The following CWF19L2 variants were observed in gnomAD, a reference collection of about 807,000 sequenced individuals.
The protein encoded by CWF19L2 is CWF19-like protein 2.
A neutral mutation model predicts 111.7 loss-of-function variants in CWF19L2; 98 were observed. The observed-to-expected ratio is 0.88, with a 90% CI of 0.75 to 1.04. CWF19L2 has a LOEUF of 1.04. Among genes scored for constraint, CWF19L2 ranks in the 50% least tolerant of loss-of-function variants. The pLI is 0.00. For synonymous variants in CWF19L2, 351 were observed against 342.9 expected (o/e 1.02, Z -0.26); for missense variants, 1,101 against 1,051.4 (o/e 1.05, Z -0.65).
At chr11:107,376,089 C>A (rs1458213777) in intron 12 of CWF19L2, among the ~76,000 whole-genome samples, 3 of 127,122 alleles carry the variant, frequency 2.4e-5, no homozygotes, top group Non-Finnish European at 4.9e-5. Flanking sequence ...CTGAATAGAC[C>A]AATAACAGGA....
Position 107,454,588 on chromosome 11 carries a change from A to G in CWF19L2, c.217-16T>C. 1 of 1,323,704 alleles carries G rather than the reference A, an allele frequency of 7.6e-7. No individual in the cohort carries two copies. The highest frequency in any genetic ancestry group is 9.7e-7 in the Non-Finnish European group (1 of 1,033,018). The allele number at this position is 1,323,704 out of a possible 1,614,324, so 82.0% of individuals were successfully genotyped here. On this transcript the variant is annotated splice_polypyrimidine_tract_variant and intron_variant, in intron 2 of 17. Transcript: ENST00000282251. Reference sequence around the variant, plus strand: ...CAGAGTGTTCCTACAATCATTTTGAACAGGCAAGAAAATAATTTAATTTCA... The same window carrying G: ...CAGAGTGTTCCTACAATCATTTTGAGCAGGCAAGAAAATAATTTAATTTCA...
intron 10 of CWF19L2, among the ~76,000 whole-genome samples, chr11:107,398,850 A>G (rs950098196): frequency 6.6e-6 from 1 of 152,192 alleles, no homozygotes; most frequent in Non-Finnish European, 1.5e-5. Flanking sequence ...CGGAAACCCT[A>G]TAAGCTAGAA....
chr11:107,333,413 G>A (rs1859878414), intron 16 of CWF19L2, among the ~76,000 whole-genome samples: 1 of 152,112 alleles, frequency 6.6e-6, no homozygotes, highest in African/African-American at 2.4e-5. Context: ...AGAAAACGGG[G>A]ACTAATAAAT....
chr11:107,434,880 G>A (rs56994912), intron 6 of CWF19L2, among the ~76,000 whole-genome samples: 15,173 of 151,842 alleles, frequency 0.1, 1,328 homozygotes, highest in African/African-American at 0.22. Flanking sequence ...TTTTCAAACT[G>A]TGTGCTGAGT....
At chr11:107,356,451 T>C (rs1231475262) in intron 12 of CWF19L2, among the ~76,000 whole-genome samples, 3 of 152,226 alleles carry the variant, frequency 2.0e-5, no homozygotes, top group Non-Finnish European at 4.4e-5. Context: ...CTTCCTTGTT[T>C]CTACTAGCAA....
rs1255380954 is a variant in CWF19L2, at chr11:107,353,658, C to T, written c.1951G>A (p.Gly651Ser). The change falls in exon 13 of 18, where the codon GGT (glycine) becomes AGT (serine). Residue 651 changes from glycine (G) to serine (S), a missense_variant. Gly to Ser is a moderately conservative substitution (Grantham distance 56). Transcript: ENST00000282251. Reference sequence around the variant, plus strand: ...TTCCTTTGGTTCTCTTCCTCTTCACCAAGACGTTCTCTCTCAGCTGCTTTG... The same window carrying T: ...TTCCTTTGGTTCTCTTCCTCTTCACTAAGACGTTCTCTCTCAGCTGCTTTG... ...VSKAAERERL[G>S]EEEENQRKKA... The T allele has an allele frequency of 6.2e-7, 1 of 1,613,626 alleles. No homozygotes were observed. Among genetic ancestry groups the T allele is most frequent in the Admixed American group, 1.7e-5 (1 of 59,990 alleles).
chr11:107,395,452 G>A (rs1003641815), intron 10 of CWF19L2, among the ~76,000 whole-genome samples: 3 of 151,442 alleles, frequency 2.0e-5, no homozygotes, highest in Non-Finnish European at 4.4e-5. Context: ...TAAAAACTTG[G>A]GACTTTATTT....
intron 10 of CWF19L2, among the ~76,000 whole-genome samples, chr11:107,412,308 C>T (rs181459319): frequency 4.3e-4 from 66 of 152,238 alleles, no homozygotes; most frequent in East Asian, 3.5e-3. Context: ...ATCCAGCAAC[C>T]GCATTCCTTG....
At chr11:107,362,083 G>A (rs1050295736) in intron 12 of CWF19L2, among the ~76,000 whole-genome samples, 4 of 152,100 alleles carry the variant, frequency 2.6e-5, no homozygotes, top group Admixed American at 1.3e-4. Context: ...GGAAAATCGA[G>A]TCACTCCCAC....
intron 2 of CWF19L2, among the ~76,000 whole-genome samples, chr11:107,455,036 A>G (rs1378516676): frequency 6.6e-6 from 1 of 152,154 alleles, no homozygotes; most frequent in African/African-American, 2.4e-5. Flanking sequence ...AGGATAGGGA[A>G]AGGGAAGATG....
At chr11:107,362,419 T>C (rs1261065223) in intron 12 of CWF19L2, among the ~76,000 whole-genome samples, 3 of 151,964 alleles carry the variant, frequency 2.0e-5, no homozygotes, top group Admixed American at 6.5e-5. Context: ...GACTTAAATG[T>C]CCCTGTCTGA....
chr11:107,417,758 A>AT (rs10537173), intron 9 of CWF19L2, among the ~76,000 whole-genome samples: 2,000 of 146,982 alleles, frequency 0.014, 26 homozygotes, highest in East Asian at 0.031. Flanking sequence ...AGGTTCGAGA[A>AT]TTTTTTTTTT....
rs183598648 is a variant in CWF19L2 at position 107,333,211 on chromosome 11, T to A, written c.2439+1670A>T. On this transcript the variant is annotated intron_variant, in intron 16 of 17. Coordinates refer to ENST00000282251, the MANE Select transcript of CWF19L2 (RefSeq NM_152434.3). ...GCCTTAATAAAGGCAATTGCTGCTATCTTTGAAATCCTTTAAAACTGAATA... is the reference window on the plus strand; with the variant it reads ...GCCTTAATAAAGGCAATTGCTGCTAACTTTGAAATCCTTTAAAACTGAATA... Among the ~76,000 whole-genome samples, 11 of 152,314 alleles carry A rather than the reference T, an allele frequency of 7.2e-5. No individual in the cohort carries two copies. In the East Asian group the frequency reaches 2.1e-3, roughly 29 times the overall value.
At chr11:107,404,147 CTGCACGATTTTT>C (rs1861046049) in intron 10 of CWF19L2, 2 of 775,814 alleles carry the variant, frequency 2.6e-6, no homozygotes, top group East Asian at 4.9e-5. Context: ...AAAGCAGCTT[CTGCACGATTTTT>C]TGCATTTACG....
At chr11:107,356,511 T>C (rs554285272) in intron 12 of CWF19L2, among the ~76,000 whole-genome samples, 29 of 152,352 alleles carry the variant, frequency 1.9e-4, no homozygotes, top group African/African-American at 6.7e-4. Flanking sequence ...TGTATACTTC[T>C]TGACTTTTCC....
intron 10 of CWF19L2, among the ~76,000 whole-genome samples, chr11:107,398,062 C>G (rs1220752742): frequency 6.6e-6 from 1 of 152,154 alleles, no homozygotes; most frequent in Non-Finnish European, 1.5e-5. Context: ...TTTGACACAG[C>G]CTACCCAAAT....
intron 12 of CWF19L2, among the ~76,000 whole-genome samples, chr11:107,389,510 G>A (rs1860817702): frequency 6.6e-6 from 1 of 152,096 alleles, no homozygotes; most frequent in Admixed American, 6.6e-5. Flanking sequence ...AAATGTTAAT[G>A]GTAGTGTTTG....
intron 8 of CWF19L2, among the ~76,000 whole-genome samples, chr11:107,421,168 G>T (rs1366896051): frequency 3.3e-5 from 5 of 151,916 alleles, no homozygotes; most frequent in Non-Finnish European, 7.4e-5. Context: ...TATAATACTT[G>T]GAAACTAAAT....
intron 3 of CWF19L2, among the ~76,000 whole-genome samples, chr11:107,449,804 A>G (rs1861753151): frequency 6.6e-6 from 1 of 152,098 alleles, no homozygotes; most frequent in Non-Finnish European, 1.5e-5. Context: ...AGAACAAAGA[A>G]AAAATAGAAA....
Sources: allele counts gnomAD v4.1 joint callset (sites outside exome capture counted in the v4.1 genomes callset), GRCh38; gene constraint gnomAD v4.1.1; transcripts MANE v1.5; gene names NCBI Gene and HGNC (gene_info 2026-07-23, HGNC 2026-07-21).